MYO3A: variants seen among roughly 807,000 people sequenced by gnomAD.
MYO3A encodes the protein myosin IIIA, also known as myosin-IIIa.
In MYO3A, 180 loss-of-function variants were observed where a neutral mutation model predicts 192.7. That is an observed-to-expected ratio of 0.93 (90% CI 0.83 to 1.06). The LOEUF is 1.06. MYO3A is among the 50% of genes least tolerant of loss of function. The pLI, the probability that MYO3A is intolerant of heterozygous loss-of-function variation, is 0.00. For missense variants in MYO3A, 1,896 were observed against 1,905.0 expected (o/e 1.00, Z 0.09); for synonymous variants, 628 against 645.3 (o/e 0.97, Z 0.41).
intron 33 of MYO3A, chr10:26,202,671 G>A (rs1407861898): frequency 1.6e-5 from 6 of 369,436 alleles, no homozygotes; most frequent in East Asian, 1.3e-4. Context: ...CTGAAACACT[G>A]CAATCACTGG....
intron 4 of MYO3A, among the ~76,000 whole-genome samples, chr10:25,978,930 G>C (rs898084840): frequency 7.9e-5 from 12 of 151,034 alleles, no homozygotes; most frequent in African/African-American, 2.9e-4. Context: ...GGTATGTGCA[G>C]ACTATTATTA....
In MYO3A at chr10:26,193,320, C is replaced by G; in HGVS notation, c.4545+9C>G. On this transcript the variant is annotated intron_variant, in intron 32 of 34. Transcript: ENST00000642920. The stretch of plus-strand genomic sequence containing the variant: ...ACTATTATCTACTTCATGTAAGTGG[C>G]TCACTCTTACTATCAGATGGGAGCC... 6.3e-7 allele frequency: 1 copy of G among 1,583,604 alleles called. No homozygotes were observed. Among genetic ancestry groups the G allele is most frequent in the Non-Finnish European group, 8.7e-7 (1 of 1,152,906 alleles).
At chr10:26,113,419 G>A (rs1049065253) in intron 17 of MYO3A, among the ~76,000 whole-genome samples, 2 of 150,694 alleles carry the variant, frequency 1.3e-5, no homozygotes, top group East Asian at 1.9e-4. Context: ...GCAGTGAGCC[G>A]AGATTGTGCC....
chr10:26,059,156 TCTC>T (rs776402271), intron 10 of MYO3A, among the ~76,000 whole-genome samples: 1 of 152,122 alleles, frequency 6.6e-6, no homozygotes, highest in Non-Finnish European at 1.5e-5. Context: ...ATTTCTTTCT[TCTC>T]TATCAGTATA....
intron 6 of MYO3A, among the ~76,000 whole-genome samples, chr10:26,010,756 C>A (rs1341921961): frequency 6.6e-6 from 1 of 152,120 alleles, no homozygotes; most frequent in Non-Finnish European, 1.5e-5. Context: ...GCCACCGCAC[C>A]CCGCCAAGAT....
At chr10:26,112,445 G>T (rs773165572) in intron 17 of MYO3A, among the ~76,000 whole-genome samples, 13 of 152,114 alleles carry the variant, frequency 8.5e-5, no homozygotes, top group Admixed American at 2.0e-4. Context: ...GGCTTTCTTG[G>T]ATATGTTGTT....
intron 34 of MYO3A, among the ~76,000 whole-genome samples, chr10:26,208,848 T>C (rs1051408214): frequency 2.0e-5 from 3 of 152,244 alleles, no homozygotes; most frequent in Non-Finnish European, 2.9e-5. Context: ...TTTCATTCAT[T>C]TGCATATATG....
At chr10:26,050,390 A>G (rs1588861905) in intron 10 of MYO3A, among the ~76,000 whole-genome samples, 1 of 152,356 alleles carries the variant, frequency 6.6e-6, no homozygotes. Flanking sequence ...GCCATTAACC[A>G]GATTATTTTC....
intron 32 of MYO3A, among the ~76,000 whole-genome samples, chr10:26,198,569 A>G (rs17667157): frequency 0.1 from 15,249 of 152,300 alleles, 836 homozygotes; most frequent in Non-Finnish European, 0.12. Flanking sequence ...TCATCCGTCT[A>G]AATAAAGAAA....
intron 6 of MYO3A, among the ~76,000 whole-genome samples, chr10:26,002,625 G>GATAATC (rs1840904336): frequency 6.6e-6 from 1 of 151,810 alleles, no homozygotes; most frequent in African/African-American, 2.4e-5. Flanking sequence ...GGGTGGACCA[G>GATAATC]GTAATCGGAA....
intron 34 of MYO3A, among the ~76,000 whole-genome samples, chr10:26,208,230 TG>T (rs1844064720): frequency 6.6e-6 from 1 of 152,012 alleles, no homozygotes; most frequent in Non-Finnish European, 1.5e-5. Flanking sequence ...GTGAGAGATG[TG>T]GGGTGTTTAG....
chr10:26,107,744 A>T (rs1351006742), intron 17 of MYO3A, among the ~76,000 whole-genome samples: 1 of 152,014 alleles, frequency 6.6e-6, no homozygotes, highest in Non-Finnish European at 1.5e-5. Flanking sequence ...TCCAAATAGA[A>T]ATTCTCATTT....
intron 2 of MYO3A, among the ~76,000 whole-genome samples, chr10:25,939,965 T>C (rs904613193): frequency 1.3e-5 from 2 of 152,088 alleles, no homozygotes; most frequent in African/African-American, 4.8e-5. Flanking sequence ...GTGGCCATCA[T>C]GCCTCTAATA....
chr10:26,158,827 C>G (rs1841309211), intron 26 of MYO3A, among the ~76,000 whole-genome samples: 1 of 151,894 alleles, frequency 6.6e-6, no homozygotes, highest in African/African-American at 2.4e-5. Context: ...ATTCTTCACC[C>G]TTTTTCAAAG....
At chr10:26,142,582 T>G (rs1286156651) in intron 20 of MYO3A, among the ~76,000 whole-genome samples, 2 of 152,250 alleles carry the variant, frequency 1.3e-5, no homozygotes, top group Non-Finnish European at 2.9e-5. Context: ...CTTTGTGAAG[T>G]GGGGTTTGTT....
At chr10:26,198,313 G>A (rs1018949857) in intron 32 of MYO3A, among the ~76,000 whole-genome samples, 14 of 152,298 alleles carry the variant, frequency 9.2e-5, no homozygotes, top group African/African-American at 2.9e-4. Context: ...AAGCGTGCCT[G>A]TGGAGGAGAG....
chr10:25,973,512 C>T (rs1402893382), intron 4 of MYO3A, among the ~76,000 whole-genome samples: 1 of 152,106 alleles, frequency 6.6e-6, no homozygotes, highest in Non-Finnish European at 1.5e-5. Flanking sequence ...ACTTCCAATA[C>T]TATGTTGAAA....
intron 6 of MYO3A, among the ~76,000 whole-genome samples, chr10:26,012,546 T>A (rs1841732282): frequency 6.6e-6 from 1 of 151,992 alleles, no homozygotes. Flanking sequence ...AGGTGAAAGA[T>A]CTCTACAAGG....
intron 17 of MYO3A, among the ~76,000 whole-genome samples, chr10:26,114,361 C>T (rs977917102): frequency 7.9e-5 from 12 of 152,130 alleles, no homozygotes; most frequent in African/African-American, 2.9e-4. Context: ...CTCTGTGCAC[C>T]GAACTCAGTC....
Sources: allele counts gnomAD v4.1 joint callset (sites outside exome capture counted in the v4.1 genomes callset), GRCh38; gene constraint gnomAD v4.1.1; transcripts MANE v1.5; gene names NCBI Gene and HGNC (gene_info 2026-07-23, HGNC 2026-07-21).